The following CCDC172 variants were observed in gnomAD, a reference collection of about 807,000 sequenced individuals.
CCDC172 encodes coiled-coil domain-containing protein 172.
In CCDC172, 30 loss-of-function variants were observed where a neutral mutation model predicts 38.0. The ratio of observed to expected loss-of-function variants is 0.79; its 90% CI spans 0.59 to 1.07. The LOEUF is 1.07. CCDC172 is among the 50% of genes least tolerant of loss of function. The pLI is 0.00. For missense variants in CCDC172, 297 were observed against 290.1 expected, an observed-to-expected ratio of 1.02 and a Z score of -0.17; for synonymous variants, 78 against 88.3, an observed-to-expected ratio of 0.88 and a Z score of 0.66.
intron 5 of CCDC172, among the ~76,000 whole-genome samples, chr10:116,348,544 AT>A (rs1296988245): frequency 6.6e-6 from 1 of 152,024 alleles, no homozygotes. Flanking sequence ...TTGATTTATT[AT>A]TTTTTAACCA....
At chr10:116,338,036 G>A (rs1330265112) in intron 3 of CCDC172, among the ~76,000 whole-genome samples, 1 of 152,124 alleles carries the variant, frequency 6.6e-6, no homozygotes, top group Non-Finnish European at 1.5e-5. Context: ...ACTTAACAAC[G>A]AGGAACTGGG....
At chr10:116,362,059 A>G (rs565685366) in intron 7 of CCDC172, among the ~76,000 whole-genome samples, 36 of 152,194 alleles carry the variant, frequency 2.4e-4, no homozygotes, top group African/African-American at 7.5e-4. Context: ...GCGTGGTGGC[A>G]GGCACCTGTA....
chr10:116,334,020 C>A (rs1003600344), intron 3 of CCDC172, among the ~76,000 whole-genome samples: 2 of 152,096 alleles, frequency 1.3e-5, no homozygotes, highest in African/African-American at 2.4e-5. Context: ...AGGCTGTATA[C>A]CTCAGTTTCC....
At chr10:116,329,499 A>G (rs1201681714) in intron 3 of CCDC172, among the ~76,000 whole-genome samples, 2 of 152,130 alleles carry the variant, frequency 1.3e-5, no homozygotes, top group Non-Finnish European at 2.9e-5. Flanking sequence ...TTTAGTGCTA[A>G]CACTAGGACA....
intron 3 of CCDC172, among the ~76,000 whole-genome samples, chr10:116,338,352 A>G (rs1414765874): frequency 6.6e-6 from 1 of 152,044 alleles, no homozygotes; most frequent in Non-Finnish European, 1.5e-5. Flanking sequence ...ACTCTCTGGG[A>G]CTCTTTAGAT....
At chr10:116,378,284 A>T (rs1468497438) in intron 7 of CCDC172, 139 bp from the exon 8 acceptor site, 5 of 860,822 alleles carry the variant, frequency 5.8e-6, no homozygotes, top group Non-Finnish European at 8.3e-6. Context: ...TTATGGAATT[A>T]TAGATAATTA....
intron 5 of CCDC172, among the ~76,000 whole-genome samples, chr10:116,355,765 G>A (rs1844987855): frequency 6.6e-6 from 1 of 152,116 alleles, no homozygotes; most frequent in African/African-American, 2.4e-5. Context: ...ATCCAGAATA[G>A]GCAAATCTGT....
At chr10:116,325,417 C>T in intron 3 of CCDC172, 29 bp downstream of exon 3, 1 of 1,566,612 alleles carries the variant, frequency 6.4e-7, no homozygotes, top group Non-Finnish European at 8.7e-7. Context: ...TACTAATTAT[C>T]ACTTGAAAAA....
At chr10:116,348,284 C>A (rs1233378117) in intron 5 of CCDC172, among the ~76,000 whole-genome samples, 1 of 151,974 alleles carries the variant, frequency 6.6e-6, no homozygotes, top group African/African-American at 2.4e-5. Flanking sequence ...GTCTTCTTAC[C>A]TGTCAGTGTT....
chr10:116,356,388 G>GGAAGGAAGGA (rs1844997277), intron 5 of CCDC172, among the ~76,000 whole-genome samples: 1 of 144,054 alleles, frequency 6.9e-6, no homozygotes, highest in Non-Finnish European at 1.5e-5. Context: ...GGGAGGGAGG[G>GGAAGGAAGGA]AGGAAGGAAG....
intron 7 of CCDC172, among the ~76,000 whole-genome samples, chr10:116,366,461 A>G (rs1845124006): frequency 6.6e-6 from 1 of 152,110 alleles, no homozygotes; most frequent in Non-Finnish European, 1.5e-5. Context: ...TCTATTGGTT[A>G]TTTGTATTTG....
At chr10:116,339,748 C>T (rs1228305315) in intron 3 of CCDC172, among the ~76,000 whole-genome samples, 1 of 151,814 alleles carries the variant, frequency 6.6e-6, no homozygotes, top group Non-Finnish European at 1.5e-5. Context: ...ACATTTTAGC[C>T]ATAATATTTC....
At chr10:116,348,978 G>A (rs976186395) in intron 5 of CCDC172, among the ~76,000 whole-genome samples, 3 of 152,110 alleles carry the variant, frequency 2.0e-5, no homozygotes, top group East Asian at 3.9e-4. Context: ...AGCTTCATCT[G>A]TATTTACAGC....
chr10:116,362,686 G>A (rs1194212074), intron 7 of CCDC172, among the ~76,000 whole-genome samples: 1 of 152,148 alleles, frequency 6.6e-6, no homozygotes, highest in African/African-American at 2.4e-5. Flanking sequence ...AAATAGTTGT[G>A]TGTCTGTACC....
chr10:116,370,264 T>C (rs1845171158), intron 7 of CCDC172, among the ~76,000 whole-genome samples: 1 of 151,980 alleles, frequency 6.6e-6, no homozygotes, highest in East Asian at 1.9e-4. Flanking sequence ...TAAAAGTCTT[T>C]ACTTGCACCC....
chr10:116,336,035 T>C (rs931389313), intron 3 of CCDC172, among the ~76,000 whole-genome samples: 1 of 151,996 alleles, frequency 6.6e-6, no homozygotes, highest in African/African-American at 2.4e-5. Flanking sequence ...GGCATGATGG[T>C]GTGCCCCTGT....
intron 7 of CCDC172, among the ~76,000 whole-genome samples, chr10:116,362,814 T>C (rs1294862498): frequency 6.6e-6 from 1 of 152,202 alleles, no homozygotes; most frequent in African/African-American, 2.4e-5. Flanking sequence ...TCTGCATCTT[T>C]TCTGGTAAAA....
At chr10:116,369,247 A>G (rs978314011) in intron 7 of CCDC172, among the ~76,000 whole-genome samples, 12 of 151,848 alleles carry the variant, frequency 7.9e-5, no homozygotes, top group Admixed American at 7.9e-4. Flanking sequence ...ATTTTATTTG[A>G]TAAATAAGTA....
At chr10:116,367,816 TTCTTG>T (rs1246196309) in intron 7 of CCDC172, among the ~76,000 whole-genome samples, 3 of 152,154 alleles carry the variant, frequency 2.0e-5, no homozygotes, top group Non-Finnish European at 4.4e-5. Flanking sequence ...TTCTGTCTCT[TTCTTG>T]TCTTCTTTCC....
Sources: gnomAD v4.1 joint callset for allele counts (sites outside exome capture counted in the v4.1 genomes callset) on GRCh38, gnomAD v4.1.1 for gene constraint, MANE v1.5 for transcripts, NCBI Gene and HGNC (gene_info 2026-07-23, HGNC 2026-07-21) for gene names.